MITF: variants seen among roughly 807,000 people sequenced by gnomAD.
The protein encoded by MITF is microphthalmia-associated transcription factor.
Under a neutral mutation model 60.5 loss-of-function variants are expected in MITF, and 17 were observed. The ratio of observed to expected loss-of-function variants is 0.28; its 90% CI spans 0.19 to 0.42. The LOEUF (loss-of-function observed/expected upper bound fraction) is 0.42. Among genes scored for constraint, MITF ranks in the 10% least tolerant of loss-of-function variants. MITF has a pLI of 1.00. For synonymous variants in MITF, 260 were observed against 248.5 expected, an observed-to-expected ratio of 1.05 and a Z score of -0.43; for missense variants, 622 against 683.5, an observed-to-expected ratio of 0.91 and a Z score of 1.00.
At chr3:69,792,857 A>G (rs574337159) in intron 1 of MITF, among the ~76,000 whole-genome samples, 3 of 152,064 alleles carry the variant, frequency 2.0e-5, no homozygotes, top group South Asian at 2.1e-4. Flanking sequence ...AAAAGATAGC[A>G]TTGCATATTT....
chr3:69,934,379 A>G (rs2065786691), intron 2 of MITF, among the ~76,000 whole-genome samples: 1 of 152,210 alleles, frequency 6.6e-6, no homozygotes. Context: ...CTCAATTTTA[A>G]TTTCTAATAT....
intron 4 of MITF, among the ~76,000 whole-genome samples, chr3:69,940,076 C>T (rs1021686147): frequency 1.3e-5 from 2 of 152,066 alleles, no homozygotes; most frequent in Non-Finnish European, 2.9e-5. Flanking sequence ...TTACTATGTT[C>T]CTGGTACTTT....
chr3:69,938,805 T>C (rs2065903725), intron 3 of MITF: 1 of 1,385,072 alleles, frequency 7.2e-7, no homozygotes, highest in Non-Finnish European at 9.3e-7. Flanking sequence ...GAAGTGTTTA[T>C]GCAAATTCGG....
chr3:69,840,045 G>A (rs1474864884), intron 1 of MITF, among the ~76,000 whole-genome samples: 2 of 152,108 alleles, frequency 1.3e-5, no homozygotes, highest in East Asian at 3.9e-4. Context: ...TAATTTAGGA[G>A]CTTTTAAATG....
At chr3:69,837,554 C>T (rs2063559064) in intron 1 of MITF, among the ~76,000 whole-genome samples, 1 of 152,146 alleles carries the variant, frequency 6.6e-6, no homozygotes, top group African/African-American at 2.4e-5. Flanking sequence ...CAATCATAAA[C>T]ATTTGTAATA....
intron 1 of MITF, among the ~76,000 whole-genome samples, chr3:69,830,065 G>A (rs906512363): frequency 3.9e-5 from 6 of 152,148 alleles, no homozygotes; most frequent in African/African-American, 1.2e-4. Flanking sequence ...TCAGCTCTGC[G>A]AATCTAGGAT....
chr3:69,940,473 G>A (rs1288715937), intron 4 of MITF, among the ~76,000 whole-genome samples: 1 of 152,182 alleles, frequency 6.6e-6, no homozygotes, highest in East Asian at 1.9e-4. Context: ...CATAACTTAT[G>A]TTTTGGTACT....
At chr3:69,876,064 C>T (rs1006894846) in intron 1 of MITF, among the ~76,000 whole-genome samples, 2 of 151,908 alleles carry the variant, frequency 1.3e-5, no homozygotes, top group South Asian at 2.1e-4. Context: ...TTCATACATA[C>T]GTATTTTTTT....
chr3:69,943,657 A>G (rs754056679), intron 5 of MITF, among the ~76,000 whole-genome samples: 1 of 152,184 alleles, frequency 6.6e-6, no homozygotes, highest in South Asian at 2.1e-4. Context: ...TCTGTGAGAC[A>G]TATCTATCTC....
chr3:69,889,857 G>A (rs1337565352), intron 2 of MITF, among the ~76,000 whole-genome samples: 2 of 152,084 alleles, frequency 1.3e-5, no homozygotes, highest in Non-Finnish European at 1.5e-5. Flanking sequence ...GTCTGAATGA[G>A]TCTGAACAAG....
intron 1 of MITF, among the ~76,000 whole-genome samples, chr3:69,741,332 C>CAGAATGAG (rs1703521519): frequency 6.6e-6 from 1 of 152,094 alleles, no homozygotes; most frequent in Non-Finnish European, 1.5e-5. Flanking sequence ...CTTACACGGC[C>CAGAATGAG]AGAATGAGGG....
intron 2 of MITF, among the ~76,000 whole-genome samples, chr3:69,916,225 A>G (rs1026326285): frequency 2.0e-5 from 3 of 152,222 alleles, no homozygotes; most frequent in Non-Finnish European, 2.9e-5. Flanking sequence ...ATACACATAT[A>G]TCATTTTAAA....
intron 2 of MITF, among the ~76,000 whole-genome samples, chr3:69,916,334 A>G (rs1365100347): frequency 2.0e-5 from 3 of 152,168 alleles, no homozygotes; most frequent in Non-Finnish European, 2.9e-5. Context: ...TAATTTTATG[A>G]ACGTGTTCAC....
Position 69,861,915 on chromosome 3 carries a change from T to C in MITF, c.105-17219T>C, listed in dbSNP as rs577674007. Among the ~76,000 whole-genome samples the C allele has an allele frequency of 7.3e-4, 111 of 152,262 alleles. 1 individual carries two copies. Among genetic ancestry groups the C allele is most frequent in the Non-Finnish European group, 1.6e-4 (11 of 68,014 alleles). On this transcript the variant is annotated intron_variant, in intron 1 of 9. Coordinates refer to ENST00000352241, the MANE Select transcript of MITF (RefSeq NM_001354604.2). Reference sequence around the variant, plus strand: ...TAATTACCCCACAATAAGGCTTTCATTGAACATTCCACATGGATATTTTAA... The same window carrying C: ...TAATTACCCCACAATAAGGCTTTCACTGAACATTCCACATGGATATTTTAA...
intron 2 of MITF, among the ~76,000 whole-genome samples, chr3:69,889,025 G>GTTTTTTT (rs4057977): frequency 2.0e-4 from 12 of 58,814 alleles, no homozygotes; most frequent in East Asian, 6.2e-4. Flanking sequence ...ATAGCCTTTG[G>GTTTTTTT]TTTTTTTTTT....
intron 2 of MITF, among the ~76,000 whole-genome samples, chr3:69,921,848 A>G (rs2065474263): frequency 6.6e-6 from 1 of 152,156 alleles, no homozygotes; most frequent in Admixed American, 6.5e-5. Flanking sequence ...CATTATTAAC[A>G]CTGGGACGAA....
intron 2 of MITF, among the ~76,000 whole-genome samples, chr3:69,933,164 T>G (rs2065760126): frequency 6.6e-6 from 1 of 151,996 alleles, no homozygotes; most frequent in African/African-American, 2.4e-5. Context: ...CACTCCAGCC[T>G]GGGCAACATA....
intron 1 of MITF, among the ~76,000 whole-genome samples, chr3:69,826,064 T>C (rs9871883): frequency 0.5 from 76,263 of 151,966 alleles, 20,838 homozygotes; most frequent in Non-Finnish European, 0.63. Flanking sequence ...TGAAGTGGAA[T>C]ACATAGAGAG....
chr3:69,761,946 TTTCACTCA>T lies in MITF; in HGVS notation c.104+22247_104+22254del, dbSNP rs2062218323. Among the ~76,000 whole-genome samples, 3 of 152,344 alleles carry T rather than the reference TTTCACTCA, an allele frequency of 2.0e-5. No homozygotes were observed. The South Asian group carries it at 6.2e-4, about 32-fold the overall frequency. ...ATGTAGCTCATAACATCTGGATGTT[TTTCACTCA>T]TCTCTTTTTCCCTCTCTCTTTTTTC... On this transcript the variant is annotated intron_variant, in intron 1 of 9. Transcript: ENST00000352241.
Sources: allele counts gnomAD v4.1 joint callset (sites outside exome capture counted in the v4.1 genomes callset), GRCh38; gene constraint gnomAD v4.1.1; transcripts MANE v1.5; gene names NCBI Gene and HGNC (gene_info 2026-07-23, HGNC 2026-07-21).